Variants in HELZ2 observed in about 807,000 individuals in gnomAD.
HELZ2 encodes the protein helicase with zinc finger 2.
A neutral mutation model predicts 208.8 loss-of-function variants in HELZ2; 143 were observed. The observed-to-expected ratio is 0.68, with a 90% CI of 0.60 to 0.79. HELZ2 has a LOEUF of 0.79. Ranked by LOEUF, HELZ2 falls within the 30% of genes least tolerant of loss-of-function variation. The pLI, the probability that HELZ2 is intolerant of heterozygous loss-of-function variation, is 0.00. For synonymous variants in HELZ2, 1,705 were observed against 1,693.7 expected, an observed-to-expected ratio of 1.01 and a Z score of -0.16; for missense variants, 3,690 against 3,794.5, an observed-to-expected ratio of 0.97 and a Z score of 0.72.
At chr20:63,564,261 C>A in exon 8 of HELZ2, 1 of 1,611,428 alleles carries the variant, frequency 6.2e-7, no homozygotes, top group Non-Finnish European at 8.5e-7. Flanking sequence ...ATGATGTGGG[C>A]CGCGCGGAAG....
exon 8 of HELZ2, chr20:63,562,800 G>A (rs548162482): frequency 6.2e-7 from 1 of 1,610,096 alleles, no homozygotes; most frequent in African/African-American, 1.3e-5. Flanking sequence ...CGGATGCAGA[G>A]GTAGCAGCAG....
At chr20:63,563,685 G>T in exon 8 of HELZ2, 1 of 1,578,618 alleles carries the variant, frequency 6.3e-7, no homozygotes. Flanking sequence ...AGTGCGTGCT[G>T]GAGGCTGAAG....
chr20:63,568,617 C>T (rs2082987900), exon 5 of HELZ2: 2 of 1,601,294 alleles, frequency 1.2e-6, no homozygotes, highest in African/African-American at 1.3e-5. Context: ...ACCAGCTGCT[C>T]CTCAGGCAGT....
At chr20:63,561,427 G>A (rs2082885579) in exon 13 of HELZ2, 4 of 1,612,518 alleles carry the variant, frequency 2.5e-6, no homozygotes, top group South Asian at 1.1e-5. Flanking sequence ...ACGAGTAAGG[G>A]TTGGGGGCCT....
At chr20:63,565,834 C>T (rs202104742) in exon 8 of HELZ2, 7 of 1,599,076 alleles carry the variant, frequency 4.4e-6, no homozygotes, top group Admixed American at 3.3e-5. Context: ...GCTCTGCCTT[C>T]ACCATGGCCG....
chr20:63,567,444 C>A, exon 6 of HELZ2: 1 of 1,560,376 alleles, frequency 6.4e-7, no homozygotes, highest in Non-Finnish European at 8.7e-7. Context: ...GGTGCCGCGC[C>A]AGCTCTGCCC....
At chr20:63,560,073 C>T in exon 18 of HELZ2, 2 of 1,605,504 alleles carry the variant, frequency 1.2e-6, no homozygotes, top group East Asian at 4.5e-5. Context: ...CGGTGCTCAC[C>T]AGCACATAGC....
exon 17 of HELZ2, chr20:63,560,223 A>G: frequency 6.4e-7 from 1 of 1,553,054 alleles, no homozygotes; most frequent in East Asian, 2.4e-5. Flanking sequence ...CCTCTCGCCG[A>G]AGGGCCTTGC....
rs753677476 is a variant in HELZ2, at chr20:63,567,165, C to T, written c.2193G>A (p.Val731=). 7 of 1,609,588 alleles carry T rather than the reference C, an allele frequency of 4.3e-6. No individual in the cohort carries two copies. In the South Asian group the frequency reaches 6.6e-5, roughly 15 times the overall value. The change falls in exon 6 of 19, where the codon GTG becomes GTA. Residue 731 remains valine, a synonymous_variant. Transcript: ENST00000467148. Reference sequence around the variant, plus strand: ...GGAAGACCAGGCGGCTCTGCCGCGCCACCTCGTGAGTCTCCTGCTGGTAGC... The same window carrying T: ...GGAAGACCAGGCGGCTCTGCCGCGCTACCTCGTGAGTCTCCTGCTGGTAGC...
chr20:63,566,046 T>A lies in HELZ2; in HGVS notation c.2776A>T (p.Lys926Ter). ...TCACGGATGAAGCTCTCCCAGAGCT[T>A]GCCGCAGGCCCCGAAGGAGCAGAGG... is the stretch of plus-strand genomic sequence containing the variant. The change falls in exon 8 of 19, where the codon AAG becomes TAG. Residue 926 changes from lysine to a stop codon, truncating the protein, a stop_gained. Coordinates refer to ENST00000467148, the Ensembl canonical transcript of HELZ2. LOFTEE classifies it high-confidence loss of function. 1 of 1,590,330 alleles carries A rather than the reference T, an allele frequency of 6.3e-7. No individual in the cohort carries two copies. Among genetic ancestry groups the A allele is most frequent in the African/African-American group, 1.3e-5 (1 of 74,816 alleles).
chr20:63,567,318 C>G (rs370675728), exon 6 of HELZ2: 8 of 1,609,314 alleles, frequency 5.0e-6, no homozygotes, highest in Middle Eastern at 1.7e-4. Flanking sequence ...CATAGGCCAG[C>G]GGGGTGAGGG....
chr20:63,561,069 C>A lies in HELZ2; in HGVS notation c.7146+13G>T, dbSNP rs778319946. On this transcript the variant is annotated intron_variant, in intron 14 of 18. Coordinates refer to ENST00000467148, the Ensembl canonical transcript of HELZ2. ...ACGCCTGCTCATGCTGCCCACACCC[C>A]CCGCCGACCAACCTTCTCGGCCTGT... The A allele has an allele frequency of 6.2e-7, 1 of 1,606,094 alleles. No homozygotes were observed. The highest frequency in any genetic ancestry group is 1.7e-5 in the Admixed American group (1 of 59,758).
At chr20:63,573,770 G>C (rs2083034340), upstream of HELZ2, among the ~76,000 whole-genome samples, 1 of 151,542 alleles carries the variant, frequency 6.6e-6, no homozygotes, top group South Asian at 2.1e-4. This position sits in a 1 kb window ranked among gnomAD's most constrained non-coding sequence, Gnocchi z 4.9. Flanking sequence ...GAAGAGATGG[G>C]TCCCCGGGTC....
chr20:63,564,976 G>A (rs200585113), exon 8 of HELZ2: 26 of 1,603,812 alleles, frequency 1.6e-5, no homozygotes, highest in Admixed American at 8.4e-5. Flanking sequence ...CCTCCCGGAC[G>A]ATGCCCAGCG....
At chr20:63,560,538 C>T (rs2082874568) in exon 16 of HELZ2, 1 of 1,613,156 alleles carries the variant, frequency 6.2e-7, no homozygotes, top group East Asian at 2.2e-5. Context: ...TCCGTGGACA[C>T]CAGCAGGCTC....
exon 8 of HELZ2, chr20:63,564,623 C>T (rs1468989119): frequency 6.4e-7 from 1 of 1,568,336 alleles, no homozygotes; most frequent in South Asian, 1.2e-5. Context: ...TGGCTCCCTG[C>T]CGGGGGCATA....
chr20:63,564,684 G>A, exon 8 of HELZ2: 1 of 1,591,792 alleles, frequency 6.3e-7, no homozygotes, highest in Non-Finnish European at 8.6e-7. Flanking sequence ...CCGTCCCTGG[G>A]CACGAAGCTG....
In HELZ2 at chr20:63,561,997, A is replaced by G; in HGVS notation, c.6530-13T>C. 6.3e-7 allele frequency: 1 copy of G among 1,594,942 alleles called. No homozygotes were observed. The highest frequency in any genetic ancestry group is 8.6e-7 in the Non-Finnish European group (1 of 1,167,818). On this transcript the variant is annotated splice_polypyrimidine_tract_variant and intron_variant, in intron 10 of 18. Transcript: ENST00000467148. The stretch of plus-strand genomic sequence containing the variant: ...GTCTTCCCTGTACCTGCAGCCAGAG[A>G]ATAGGAGATTGTAGCCCACCCTGTG...
chr20:63,558,927 A>C (rs1026807166), downstream of HELZ2: 11 of 258,136 alleles, frequency 4.3e-5, no homozygotes, highest in East Asian at 7.9e-4. Flanking sequence ...CCAAAGGTCA[A>C]AGGGCAGCCT....
Sources: allele counts gnomAD v4.1 joint callset (sites outside exome capture counted in the v4.1 genomes callset), GRCh38; gene constraint gnomAD v4.1.1; non-coding constraint Gnocchi (gnomAD v3.1); transcripts MANE v1.5; gene names NCBI Gene and HGNC (gene_info 2026-07-23, HGNC 2026-07-21).